RANBP2: variants seen among roughly 807,000 people sequenced by gnomAD.
RANBP2 encodes E3 SUMO-protein ligase RanBP2.
A neutral mutation model predicts 303.6 loss-of-function variants in RANBP2; 57 were observed. That is an observed-to-expected ratio of 0.19 (90% confidence interval 0.15 to 0.23). The LOEUF (loss-of-function observed/expected upper bound fraction) is 0.23, where lower values mean the gene tolerates loss of function less well. Among genes scored for constraint, RANBP2 ranks in the 10% least tolerant of loss-of-function variants. RANBP2 has a pLI of 1.00. For missense variants in RANBP2, 3,138 were observed against 3,780.8 expected, an observed-to-expected ratio of 0.83 and a Z score of 4.46; for synonymous variants, 1,167 against 1,301.5, an observed-to-expected ratio of 0.90 and a Z score of 2.23.
At chr2:109,636,159 C>T in the RANBP2 span, among the ~76,000 whole-genome samples, 3 of 152,164 alleles carry the variant, frequency 2.0e-5, no homozygotes, top group Admixed American at 1.3e-4. Context: ...GACTTCCAGC[C>T]TCCAAAACTG....
At chr2:109,591,547 G>T in the RANBP2 span, among the ~76,000 whole-genome samples, 7 of 152,114 alleles carry the variant, frequency 4.6e-5, no homozygotes, top group African/African-American at 1.7e-4. Flanking sequence ...GAGAAAGAGG[G>T]AAAAACAAGA....
At chr2:108,953,317 G>C in the RANBP2 span, among the ~76,000 whole-genome samples, 1 of 152,058 alleles carries the variant, frequency 6.6e-6, no homozygotes, top group African/African-American at 2.4e-5. Context: ...AAGACCCACC[G>C]GTAAACTTCA....
chr2:109,729,843 T>C, the RANBP2 span, among the ~76,000 whole-genome samples: 1 of 152,158 alleles, frequency 6.6e-6, no homozygotes, highest in African/African-American at 2.4e-5. Flanking sequence ...AGAGGTTTAA[T>C]TGACTCATAG....
At chr2:109,442,391 G>C in the RANBP2 span, among the ~76,000 whole-genome samples, 4 of 151,554 alleles carry the variant, frequency 2.6e-5, no homozygotes, top group East Asian at 7.7e-4. Flanking sequence ...GATGATACCA[G>C]ATGAAAATGA....
At chr2:108,804,912 C>G in the RANBP2 span, 1 of 1,558,126 alleles carries the variant, frequency 6.4e-7, no homozygotes, top group Non-Finnish European at 8.6e-7. Flanking sequence ...AAGTTGAACA[C>G]TTAACCGAAG....
chr2:109,691,579 G>T, the RANBP2 span, among the ~76,000 whole-genome samples: 3,637 of 152,178 alleles, frequency 0.024, 385 homozygotes, highest in East Asian at 0.31. Context: ...CTCCAAAAAG[G>T]GGACTTGGGG....
chr2:109,719,428 G>A, the RANBP2 span, among the ~76,000 whole-genome samples: 5 of 125,968 alleles, frequency 4.0e-5, no homozygotes, highest in African/African-American at 9.4e-5. Context: ...TTTTTTTTGA[G>A]GTGGAATCTT....
chr2:109,204,494 T>G, the RANBP2 span, among the ~76,000 whole-genome samples: 1 of 152,228 alleles, frequency 6.6e-6, no homozygotes, highest in Non-Finnish European at 1.5e-5. Context: ...CCAATCTCCC[T>G]TATTCTAGAC....
the RANBP2 span, among the ~76,000 whole-genome samples, chr2:109,525,977 C>T: frequency 9.2e-5 from 14 of 152,138 alleles, no homozygotes; most frequent in Non-Finnish European, 8.8e-5. Context: ...CCCACTGTGG[C>T]CCAGTGAGTG....
the RANBP2 span, among the ~76,000 whole-genome samples, chr2:109,065,490 G>A: frequency 2.6e-5 from 4 of 152,052 alleles, no homozygotes; most frequent in South Asian, 2.1e-4. Flanking sequence ...ATCAGCCCTC[G>A]TTCAGCCCAG....
At position 108,771,418 on chromosome 2, in the gene RANBP2, A is replaced by G. The variant is rs187663966; in HGVS notation, c.7850-283A>G. Among the ~76,000 whole-genome samples the G allele has an allele frequency of 8.8e-3, 1,333 of 152,254 alleles. 11 individuals are homozygous for G. The highest frequency in any genetic ancestry group is 0.012 in the Non-Finnish European group (835 of 68,024). On this transcript the variant is annotated intron_variant, in intron 20 of 28. Transcript: ENST00000283195. ...TAACCTTTATAAATTCTAGAAATTT[A>G]TAGTAATTCTTTTCAATGACTATTA...
At chr2:109,025,773 G>A in the RANBP2 span, among the ~76,000 whole-genome samples, 36 of 151,528 alleles carry the variant, frequency 2.4e-4, no homozygotes, top group East Asian at 1.9e-3. Context: ...ACTCTAGCCT[G>A]GGCAACAGAG....
At chr2:109,033,791 A>T in the RANBP2 span, among the ~76,000 whole-genome samples, 1 of 151,398 alleles carries the variant, frequency 6.6e-6, no homozygotes. Context: ...CGTCTCTACT[A>T]AAAATACAAA....
the RANBP2 span, among the ~76,000 whole-genome samples, chr2:109,643,271 A>G: frequency 1.3e-5 from 2 of 152,220 alleles, no homozygotes. Context: ...AACATAGCAT[A>G]AACTCCAGTT....
the RANBP2 span, among the ~76,000 whole-genome samples, chr2:109,696,546 A>C: frequency 6.6e-6 from 1 of 152,188 alleles, no homozygotes; most frequent in African/African-American, 2.4e-5. Context: ...AAGTCTTGAC[A>C]ACCTTAGCTT....
chr2:109,303,931 G>A, the RANBP2 span, among the ~76,000 whole-genome samples: 5 of 151,774 alleles, frequency 3.3e-5, no homozygotes, highest in African/African-American at 4.8e-5. Flanking sequence ...ATATAACCCC[G>A]TCTCTACTGA....
intron 6 of RANBP2, among the ~76,000 whole-genome samples, chr2:108,737,485 C>T (rs1422845211): frequency 6.6e-6 from 1 of 150,836 alleles, no homozygotes; most frequent in East Asian, 1.9e-4. Flanking sequence ...ACTACAGGCG[C>T]ACACCACCAT....
chr2:109,186,701 C>T, the RANBP2 span, among the ~76,000 whole-genome samples: 3 of 152,132 alleles, frequency 2.0e-5, no homozygotes, highest in African/African-American at 7.2e-5. Context: ...TCAAAGGAGC[C>T]ACACACACAG....
At chr2:109,177,762 C>T in the RANBP2 span, among the ~76,000 whole-genome samples, 3 of 152,170 alleles carry the variant, frequency 2.0e-5, no homozygotes, top group South Asian at 2.1e-4. Flanking sequence ...ACTTGATCCT[C>T]TAGTAGATTT....
Sources: allele counts gnomAD v4.1 joint callset (sites outside exome capture counted in the v4.1 genomes callset), GRCh38; gene constraint gnomAD v4.1.1; transcripts MANE v1.5; gene names NCBI Gene and HGNC (gene_info 2026-07-23, HGNC 2026-07-21).